Variants in BLM observed in about 807,000 individuals in gnomAD.
BLM encodes the protein BLM RecQ like helicase.
A neutral mutation model predicts 135.3 loss-of-function variants in BLM; 95 were observed. That is an observed-to-expected ratio of 0.70 (90% CI 0.59 to 0.83). BLM has a LOEUF of 0.83. BLM is among the 40% of genes least tolerant of loss of function. The pLI is 0.00. For synonymous variants in BLM, 520 were observed against 589.2 expected (o/e 0.88, Z 1.70); for missense variants, 1,518 against 1,663.9 (o/e 0.91, Z 1.53).
chr15:90,717,696 G>A (rs533220861), intron 1 of BLM, among the ~76,000 whole-genome samples: 2 of 152,248 alleles, frequency 1.3e-5, no homozygotes, highest in Non-Finnish European at 2.9e-5. Context: ...CCGAGCATGG[G>A]CTAGGACCTG....
At chr15:90,770,014 C>G (rs374184523) in intron 12 of BLM, among the ~76,000 whole-genome samples, 16 of 152,144 alleles carry the variant, frequency 1.1e-4, no homozygotes, top group African/African-American at 3.6e-4. Context: ...TTTGTCATTT[C>G]CCCCTAAGGT....
chr15:90,723,798 C>T (rs1346627804), intron 1 of BLM, among the ~76,000 whole-genome samples: 1 of 152,112 alleles, frequency 6.6e-6, no homozygotes, highest in Non-Finnish European at 1.5e-5. Flanking sequence ...TGATTAACAA[C>T]TCCCCATTTC....
chr15:90,790,002 T>G lies in BLM; in HGVS notation c.2824-647T>G, dbSNP rs995918790. On this transcript the variant is annotated intron_variant, in intron 14 of 21. Coordinates refer to ENST00000355112, the MANE Select transcript of BLM (RefSeq NM_000057.4). ...AGTCCCTGGTGTTTTTTTTTTTTTT[T>G]TTTTTTTTTTTTTTTTTTTTTGGTA... 4.8e-4 allele frequency among the ~76,000 whole-genome samples: 49 copies of G among 101,182 alleles called. 1 individual carries two copies. The highest frequency in any genetic ancestry group is 2.1e-3 in the African/African-American group (43 of 20,670). The allele number at this position is 101,182 out of a possible 152,430, so 66.4% of individuals were successfully genotyped here. A position where few individuals can be genotyped will look rare whatever the true frequency, so the allele number is the denominator to read the frequency against.
chr15:90,738,578 A>ACAAAG (rs1555417043), intron 1 of BLM, among the ~76,000 whole-genome samples: 13 of 148,922 alleles, frequency 8.7e-5, no homozygotes, highest in African/African-American at 3.3e-4. Context: ...ACAAAACAAA[A>ACAAAG]CAAAACAAAA....
rs113631411 is a variant in BLM, at chr15:90,727,156, G to GTGTTTT, written c.-5+9730_-5+9735dup. 2.1e-4 allele frequency among the ~76,000 whole-genome samples: 32 copies of GTGTTTT among 152,050 alleles called. No homozygotes were observed. The East Asian group carries it at 5.8e-3, about 28-fold the overall frequency. On this transcript the variant is annotated intron_variant, in intron 1 of 21. Transcript: ENST00000355112. ...AACTGGGGTAGGATGATACTTCATTGTGTTTTTGTTTTTGTTTTTTTAATT... is the reference window on the plus strand; with the variant it reads ...AACTGGGGTAGGATGATACTTCATTGTGTTTTTGTTTTTGTTTTTGTTTTTTTAATT...
intron 5 of BLM, among the ~76,000 whole-genome samples, chr15:90,756,661 C>A (rs989749339): frequency 6.6e-6 from 1 of 152,218 alleles, no homozygotes; most frequent in African/African-American, 2.4e-5. Flanking sequence ...TCCCTCTTGG[C>A]TTACAACAGT....
intron 1 of BLM, among the ~76,000 whole-genome samples, chr15:90,728,307 AT>A (rs757128297): frequency 4.6e-5 from 7 of 152,192 alleles, no homozygotes; most frequent in Non-Finnish European, 8.8e-5. Flanking sequence ...AAGTGCTGGG[AT>A]TATAGGCATG....
chr15:90,756,558 A>G (rs995115135), intron 5 of BLM, among the ~76,000 whole-genome samples: 22 of 152,328 alleles, frequency 1.4e-4, no homozygotes, highest in African/African-American at 4.1e-4. Context: ...TAACAACTGC[A>G]TTATACTGTC....
At chr15:90,756,403 C>T (rs1017092222) in intron 5 of BLM, among the ~76,000 whole-genome samples, 6 of 152,108 alleles carry the variant, frequency 3.9e-5, no homozygotes, top group Admixed American at 3.9e-4. Context: ...GCGCCTGGCC[C>T]ACTTTAAGGT....
At chr15:90,725,831 C>A (rs894988947) in intron 1 of BLM, among the ~76,000 whole-genome samples, 2 of 151,678 alleles carry the variant, frequency 1.3e-5, no homozygotes, top group African/African-American at 2.4e-5. Flanking sequence ...TTTTTTCTGT[C>A]TTCTCTATTA....
At chr15:90,756,348 C>T (rs186523160) in intron 5 of BLM, among the ~76,000 whole-genome samples, 9 of 152,122 alleles carry the variant, frequency 5.9e-5, no homozygotes, top group Admixed American at 2.0e-4. Flanking sequence ...TGTGATCCGC[C>T]CACCTCGGCC....
At chr15:90,740,501 T>G (rs1002846788) in intron 1 of BLM, among the ~76,000 whole-genome samples, 1 of 152,192 alleles carries the variant, frequency 6.6e-6, no homozygotes, top group South Asian at 2.1e-4. Flanking sequence ...ATTTGAGTGG[T>G]TTCTGAATTT....
intron 13 of BLM, among the ~76,000 whole-genome samples, chr15:90,784,454 T>A (rs564983650): frequency 6.8e-6 from 1 of 148,092 alleles, no homozygotes; most frequent in East Asian, 2.1e-4. Context: ...TGCCTCAGCC[T>A]CCTGACTAGC....
chr15:90,804,424 G>C, intron 19 of BLM, 65 bp downstream of exon 19: 1 of 1,489,050 alleles, frequency 6.7e-7, no homozygotes, highest in Non-Finnish European at 9.4e-7. Flanking sequence ...ATCTTGCTAG[G>C]GAACTCCTTA....
chr15:90,752,233 T>C (rs1596221642), intron 4 of BLM, among the ~76,000 whole-genome samples: 2 of 151,642 alleles, frequency 1.3e-5, no homozygotes, highest in South Asian at 4.2e-4. Context: ...TGGAGTGAAG[T>C]GGTATGATCT....
At position 90,761,004 on chromosome 15, in the gene BLM, A is replaced by G. The variant is rs1567041307; in HGVS notation, c.1631A>G (p.Glu544Gly). 2 of 1,608,624 alleles carry G rather than the reference A, an allele frequency of 1.2e-6. No individual in the cohort carries two copies. Among genetic ancestry groups the G allele is most frequent in the Non-Finnish European group, 1.7e-6 (2 of 1,178,046 alleles). ...CATACTGCTTCAATAAATGACTTAG[A>G]AAGAGAAACCCAACCTTCCTATGAT... ...NKHTASINDLERETQPSYDID... is the reference protein window; with the variant it reads ...NKHTASINDLGRETQPSYDID... The change falls in exon 7 of 22, where the codon GAA becomes GGA. Residue 544 changes from glutamate to glycine, a missense_variant. By Grantham distance (98) the Glu-to-Gly change is moderately conservative. Coordinates refer to ENST00000355112, the MANE Select transcript of BLM (RefSeq NM_000057.4).
At chr15:90,759,157 G>A (rs1021605157) in intron 5 of BLM, among the ~76,000 whole-genome samples, 8 of 152,116 alleles carry the variant, frequency 5.3e-5, no homozygotes, top group East Asian at 3.8e-4. Context: ...ATGATAAAGC[G>A]TAGAGACAAC....
intron 1 of BLM, among the ~76,000 whole-genome samples, chr15:90,718,950 T>C (rs1894685310): frequency 6.6e-6 from 1 of 152,092 alleles, no homozygotes; most frequent in Non-Finnish European, 1.5e-5. Context: ...TTTTATCTGT[T>C]TTTTCCTTTT....
intron 1 of BLM, among the ~76,000 whole-genome samples, chr15:90,731,319 G>A (rs1303908878): frequency 6.6e-6 from 1 of 152,154 alleles, no homozygotes; most frequent in Non-Finnish European, 1.5e-5. Flanking sequence ...TTATGAAAAA[G>A]AATTAGCCTG....
Sources: gnomAD v4.1 joint callset for allele counts (sites outside exome capture counted in the v4.1 genomes callset) on GRCh38, gnomAD v4.1.1 for gene constraint, MANE v1.5 for transcripts, NCBI Gene and HGNC (gene_info 2026-07-23, HGNC 2026-07-21) for gene names.